PCCA: variants seen among roughly 807,000 people sequenced by gnomAD.
PCCA encodes the protein propionyl-CoA carboxylase subunit alpha.
Under a neutral mutation model 101.3 loss-of-function variants are expected in PCCA, and 74 were observed. The observed-to-expected ratio is 0.73, with a 90% CI of 0.61 to 0.89. The LOEUF (loss-of-function observed/expected upper bound fraction) is 0.89, where lower values mean the gene tolerates loss of function less well. Among genes scored for constraint, PCCA ranks in the 40% least tolerant of loss-of-function variants. The pLI is 0.00. For missense variants in PCCA, 891 were observed against 907.0 expected (o/e 0.98, Z 0.23); for synonymous variants, 294 against 313.6 (o/e 0.94, Z 0.66).
chr13:100,495,783 TC>T (rs112499881), intron 21 of PCCA, among the ~76,000 whole-genome samples: 14 of 152,170 alleles, frequency 9.2e-5, no homozygotes, highest in African/African-American at 2.2e-4. Flanking sequence ...CTTATTTTTT[TC>T]CCCATCTAAA....
At chr13:100,259,748 G>A (rs2062352484) in intron 9 of PCCA, among the ~76,000 whole-genome samples, 1 of 152,100 alleles carries the variant, frequency 6.6e-6, no homozygotes, top group African/African-American at 2.4e-5. Context: ...GAAGCGTATG[G>A]CATGATTGGG....
chr13:100,442,811 G>C (rs1428927591), intron 20 of PCCA, among the ~76,000 whole-genome samples: 1 of 152,202 alleles, frequency 6.6e-6, no homozygotes, highest in African/African-American at 2.4e-5. Flanking sequence ...CTAACACTGA[G>C]CTGAGACCTA....
At chr13:100,484,221 G>A (rs574141131) in intron 21 of PCCA, among the ~76,000 whole-genome samples, 3 of 152,060 alleles carry the variant, frequency 2.0e-5, no homozygotes, top group East Asian at 3.9e-4. Flanking sequence ...TCAGGTGGTC[G>A]TTTGTGTTTA....
chr13:100,112,115 AAAAGT>A, intron 4 of PCCA, 54 bp downstream of exon 4: 1 of 1,293,546 alleles, frequency 7.7e-7, no homozygotes, highest in Non-Finnish European at 1.1e-6. Context: ...GTCAAGCAGA[AAAAGT>A]GAGACATACA....
intron 19 of PCCA, among the ~76,000 whole-genome samples, chr13:100,370,487 G>A (rs1322086999): frequency 6.6e-6 from 1 of 151,980 alleles, no homozygotes; most frequent in Non-Finnish European, 1.5e-5. Context: ...TCACTTTTTA[G>A]CTTATGAGGA....
At chr13:100,514,108 C>T (rs1307309313) in intron 21 of PCCA, among the ~76,000 whole-genome samples, 1 of 152,160 alleles carries the variant, frequency 6.6e-6, no homozygotes, top group Non-Finnish European at 1.5e-5. Context: ...TTAATAGGAG[C>T]AAAAAGCTTT....
intron 19 of PCCA, among the ~76,000 whole-genome samples, chr13:100,398,569 GA>G (rs1004638134): frequency 1.3e-5 from 2 of 152,038 alleles, no homozygotes; most frequent in African/African-American, 4.8e-5. Flanking sequence ...GTGGAAAAGG[GA>G]AAAAAATCAT....
chr13:100,129,435 A>G (rs1479045956), intron 4 of PCCA, among the ~76,000 whole-genome samples: 2 of 152,088 alleles, frequency 1.3e-5, no homozygotes, highest in Non-Finnish European at 2.9e-5. Flanking sequence ...AAAAATGTTT[A>G]TTGCTCTTCA....
intron 17 of PCCA, among the ~76,000 whole-genome samples, chr13:100,336,732 C>T (rs965465304): frequency 2.0e-5 from 3 of 152,190 alleles, no homozygotes. Flanking sequence ...CCAAGAGTTG[C>T]AGCTTTTTCC....
intron 21 of PCCA, among the ~76,000 whole-genome samples, chr13:100,457,839 C>A (rs900136408): frequency 2.0e-5 from 3 of 152,128 alleles, no homozygotes; most frequent in Non-Finnish European, 4.4e-5. Context: ...CAAGTGTGAG[C>A]CCTCTAGTCC....
chr13:100,342,804 C>T (rs955729870), intron 18 of PCCA, among the ~76,000 whole-genome samples: 1 of 151,834 alleles, frequency 6.6e-6, no homozygotes, highest in Admixed American at 6.6e-5. Flanking sequence ...TCCCTGCAGC[C>T]TTGAATTCCT....
intron 18 of PCCA, among the ~76,000 whole-genome samples, chr13:100,342,706 T>C (rs2071564442): frequency 8.5e-6 from 1 of 117,046 alleles, no homozygotes; most frequent in East Asian, 2.2e-4. Flanking sequence ...ATTGCTTTTT[T>C]GGTAAACTTT....
At chr13:100,476,710 G>C (rs1301127020) in intron 21 of PCCA, among the ~76,000 whole-genome samples, 1 of 152,178 alleles carries the variant, frequency 6.6e-6, no homozygotes, top group Non-Finnish European at 1.5e-5. Flanking sequence ...TAAGCATCCA[G>C]TGGCAACCAG....
chr13:100,116,975 T>C (rs968367030), intron 4 of PCCA, among the ~76,000 whole-genome samples: 1 of 152,202 alleles, frequency 6.6e-6, no homozygotes, highest in Non-Finnish European at 1.5e-5. Context: ...ATTTTGCTGA[T>C]GCCTAGAATA....
At chr13:100,355,286 G>A (rs188069311) in intron 18 of PCCA, among the ~76,000 whole-genome samples, 6 of 152,088 alleles carry the variant, frequency 3.9e-5, no homozygotes, top group Admixed American at 2.0e-4. Flanking sequence ...CAGCCTACTC[G>A]GAATAGAAGG....
At chr13:100,089,301 G>C in intron 1 of PCCA, 76 bp downstream of exon 1, 1 of 1,341,070 alleles carries the variant, frequency 7.5e-7, no homozygotes, top group Non-Finnish European at 9.5e-7. Context: ...GGCTGGCGCC[G>C]GGAGAGCGCT....
chr13:100,340,274 T>G lies in PCCA; in HGVS notation c.1643+15T>G. ...GAAAATTCAAGGTATGGTAGATCAT[T>G]TAAAACAGAATAAATGAGCAGAACA... On this transcript the variant is annotated intron_variant, in intron 18 of 23. Coordinates refer to ENST00000376285, the MANE Select transcript of PCCA (RefSeq NM_000282.4). The G allele has an allele frequency of 7.8e-7, 1 of 1,278,108 alleles. No homozygotes were observed. The highest frequency in any genetic ancestry group is 1.2e-5 in the South Asian group (1 of 84,286). 79.2% of individuals were successfully genotyped at this position (1,278,108 alleles called of 1,614,324 possible). A position where few individuals can be genotyped will look rare whatever the true frequency, so the allele number is the denominator to read the frequency against.
intron 19 of PCCA, among the ~76,000 whole-genome samples, chr13:100,408,002 A>G (rs1223218418): frequency 3.9e-5 from 6 of 152,006 alleles, no homozygotes; most frequent in African/African-American, 1.2e-4. Context: ...AATACAAAAA[A>G]TTATCTGGGC....
intron 7 of PCCA, among the ~76,000 whole-genome samples, chr13:100,210,722 GC>G (rs2059159810): frequency 6.6e-6 from 1 of 152,118 alleles, no homozygotes; most frequent in African/African-American, 2.4e-5. Flanking sequence ...ATTTGACTTA[GC>G]CTGCAGGAAC....
Sources: allele counts gnomAD v4.1 joint callset (sites outside exome capture counted in the v4.1 genomes callset), GRCh38; gene constraint gnomAD v4.1.1; transcripts MANE v1.5; gene names NCBI Gene and HGNC (gene_info 2026-07-23, HGNC 2026-07-21).